ZNF804B: variants seen among roughly 807,000 people sequenced by gnomAD.
ZNF804B encodes the protein zinc finger protein 804B.
ZNF804B carries 80 observed loss-of-function variants against 101.4 expected under a neutral mutation model. That is an observed-to-expected ratio of 0.79 (90% confidence interval 0.66 to 0.95). The LOEUF is 0.95. Among genes scored for constraint, ZNF804B ranks in the 40% least tolerant of loss-of-function variants. The pLI is 0.00. For synonymous variants in ZNF804B, 622 were observed against 558.8 expected (o/e 1.11, Z -1.59); for missense variants, 1,673 against 1,561.9 (o/e 1.07, Z -1.20).
At chr7:89,085,141 G>GT (rs67897921) in intron 1 of ZNF804B, among the ~76,000 whole-genome samples, 128,775 of 151,534 alleles carry the variant, frequency 0.85, 55,206 homozygotes, top group African/African-American at 0.96. Flanking sequence ...GAATATGCTC[G>GT]CCAAATCAAA....
chr7:89,076,190 G>T (rs985885471), intron 1 of ZNF804B, among the ~76,000 whole-genome samples: 1 of 152,140 alleles, frequency 6.6e-6, no homozygotes, highest in African/African-American at 2.4e-5. Context: ...GAAGACATGG[G>T]ATTTGGAAGG....
intron 1 of ZNF804B, among the ~76,000 whole-genome samples, chr7:88,938,976 T>C (rs1793015901): frequency 6.6e-6 from 1 of 152,032 alleles, no homozygotes; most frequent in Non-Finnish European, 1.5e-5. Context: ...TGTCACTAAG[T>C]TCAATATTAC....
intron 1 of ZNF804B, among the ~76,000 whole-genome samples, chr7:88,789,496 G>T (rs993686391): frequency 6.6e-6 from 1 of 151,904 alleles, no homozygotes; most frequent in Non-Finnish European, 1.5e-5. Context: ...ATGTCTTTAG[G>T]TCTCAGAATC....
chr7:88,923,145 G>T (rs1025858117), intron 1 of ZNF804B, among the ~76,000 whole-genome samples: 1 of 151,962 alleles, frequency 6.6e-6, no homozygotes, highest in Non-Finnish European at 1.5e-5. Context: ...TTCTGGTATG[G>T]CATTGTGTGT....
At chr7:89,102,791 T>C (rs980678381) in intron 1 of ZNF804B, among the ~76,000 whole-genome samples, 1 of 151,960 alleles carries the variant, frequency 6.6e-6, no homozygotes, top group African/African-American at 2.4e-5. Flanking sequence ...TAGGTTTTCT[T>C]CTAATATTTT....
At chr7:88,847,316 G>C (rs1489106907) in intron 1 of ZNF804B, among the ~76,000 whole-genome samples, 1 of 151,902 alleles carries the variant, frequency 6.6e-6, no homozygotes, top group African/African-American at 2.4e-5. Context: ...ATTTGTTCAA[G>C]AAAAACTGGG....
intron 1 of ZNF804B, among the ~76,000 whole-genome samples, chr7:89,018,568 A>G (rs1312448850): frequency 1.3e-5 from 2 of 151,956 alleles, no homozygotes; most frequent in Admixed American, 6.6e-5. Flanking sequence ...TTCCCCTTCA[A>G]TTTTTGGAAT....
chr7:88,993,507 A>G (rs548287301), intron 1 of ZNF804B, among the ~76,000 whole-genome samples: 1 of 152,018 alleles, frequency 6.6e-6, no homozygotes, highest in Non-Finnish European at 1.5e-5. Flanking sequence ...TAATTTAATG[A>G]ACAGAAAAAA....
intron 1 of ZNF804B, among the ~76,000 whole-genome samples, chr7:88,890,538 A>G (rs1335651809): frequency 6.6e-6 from 1 of 152,104 alleles, no homozygotes; most frequent in African/African-American, 2.4e-5. Context: ...CCAGTAATTG[A>G]TATTGTCAGG....
intron 3 of ZNF804B, among the ~76,000 whole-genome samples, chr7:89,332,604 A>T (rs1192040527): frequency 6.6e-6 from 1 of 151,902 alleles, no homozygotes; most frequent in Non-Finnish European, 1.5e-5. Flanking sequence ...TATCTCTTAT[A>T]TATGTTGATA....
At chr7:89,151,520 G>C (rs2116405808) in intron 1 of ZNF804B, among the ~76,000 whole-genome samples, 1 of 152,182 alleles carries the variant, frequency 6.6e-6, no homozygotes, top group Middle Eastern at 3.4e-3. Context: ...GTTTCACTGA[G>C]AAGAGAGACC....
intron 1 of ZNF804B, among the ~76,000 whole-genome samples, chr7:89,138,240 T>A (rs181327209): frequency 9.9e-5 from 15 of 152,108 alleles, no homozygotes; most frequent in African/African-American, 2.9e-4. Context: ...GGGCACTGCC[T>A]AGTGGAGCTG....
At chr7:89,126,664 G>A (rs971601238) in intron 1 of ZNF804B, among the ~76,000 whole-genome samples, 3 of 151,188 alleles carry the variant, frequency 2.0e-5, no homozygotes, top group African/African-American at 7.3e-5. Context: ...TGTGTGTGTG[G>A]TGGCCCTTTT....
chr7:89,278,320 A>C (rs189765469), intron 2 of ZNF804B, among the ~76,000 whole-genome samples: 5,506 of 151,612 alleles, frequency 0.036, 314 homozygotes, highest in African/African-American at 0.13. Flanking sequence ...CTCTGCTGGT[A>C]GTTTCTTTTG....
At chr7:89,224,712 ATG>A (rs56064065) in intron 2 of ZNF804B, among the ~76,000 whole-genome samples, 11,181 of 144,046 alleles carry the variant, frequency 0.078, 997 homozygotes, top group East Asian at 0.47. Context: ...CTGGCAAAGT[ATG>A]TGTGTGTGTG....
At chr7:88,863,416 C>T (rs1397752628) in intron 1 of ZNF804B, among the ~76,000 whole-genome samples, 3 of 152,020 alleles carry the variant, frequency 2.0e-5, no homozygotes, top group Non-Finnish European at 2.9e-5. Flanking sequence ...ACTCATTGAA[C>T]AGGTATTTAT....
chr7:88,833,702 A>C (rs1413326031), intron 1 of ZNF804B, among the ~76,000 whole-genome samples: 1 of 151,898 alleles, frequency 6.6e-6, no homozygotes, highest in East Asian at 1.9e-4. Flanking sequence ...TATTGACCTC[A>C]TGTGAGAAAG....
intron 1 of ZNF804B, among the ~76,000 whole-genome samples, chr7:89,204,287 T>C (rs889400030): frequency 6.6e-6 from 1 of 152,232 alleles, no homozygotes; most frequent in East Asian, 1.9e-4. Context: ...TATATTCATT[T>C]AAATGTATTC....
At chr7:88,807,035 C>T (rs1038006975) in intron 1 of ZNF804B, among the ~76,000 whole-genome samples, 1 of 152,188 alleles carries the variant, frequency 6.6e-6, no homozygotes, top group Non-Finnish European at 1.5e-5. Flanking sequence ...CTTCAAAAAA[C>T]TGTTTTCTTT....
Sources: gnomAD v4.1 joint callset for allele counts (sites outside exome capture counted in the v4.1 genomes callset) on GRCh38, gnomAD v4.1.1 for gene constraint, MANE v1.5 for transcripts, NCBI Gene and HGNC (gene_info 2026-07-23, HGNC 2026-07-21) for gene names.